The following SPATS2L variants were observed in gnomAD, a reference collection of about 807,000 sequenced individuals.
SPATS2L encodes spermatogenesis associated serine rich 2 like, also known as SPATS2-like protein.
A neutral mutation model predicts 59.6 loss-of-function variants in SPATS2L; 30 were observed. The ratio of observed to expected loss-of-function variants is 0.50; its 90% CI spans 0.38 to 0.68. The LOEUF is 0.68. Among genes scored for constraint, SPATS2L ranks in the 30% least tolerant of loss-of-function variants. The probability of loss-of-function intolerance (pLI) is 0.00; values close to 1 mark genes in which losing one functional copy is unlikely to be tolerated. For synonymous variants in SPATS2L, 252 were observed against 263.5 expected, an observed-to-expected ratio of 0.96 and a Z score of 0.42; for missense variants, 615 against 700.0, an observed-to-expected ratio of 0.88 and a Z score of 1.37.
chr2:200,335,096 C>T (rs2080096685), intron 2 of SPATS2L, among the ~76,000 whole-genome samples: 1 of 152,060 alleles, frequency 6.6e-6, no homozygotes, highest in Non-Finnish European at 1.5e-5. Flanking sequence ...CTATAAATTA[C>T]CTTGGGCAGT....
chr2:200,309,484 A>T (rs888506483), intron 1 of SPATS2L, among the ~76,000 whole-genome samples: 1 of 152,166 alleles, frequency 6.6e-6, no homozygotes, highest in African/African-American at 2.4e-5. Context: ...TAGCACTTTT[A>T]CTGTCATTTG....
rs972305374 is a variant in SPATS2L at position 200,307,041 on chromosome 2, C to A, written c.-73+119C>A. ...TGGGCCGAGCATTCCGCAGCCCGGG[C>A]CGCCCAGCCTCCGCCGCCTCCCGGA... On this transcript the variant is annotated intron_variant, in intron 1 of 12. Coordinates refer to ENST00000409140, the MANE Select transcript of SPATS2L (RefSeq NM_001100423.2). 9.6e-4 allele frequency: 829 copies of A among 862,966 alleles called. 2 individuals are homozygous for A. The highest frequency in any genetic ancestry group is 1.1e-3 in the Non-Finnish European group (792 of 719,062). 53.5% of individuals were successfully genotyped at this position (862,966 alleles called of 1,614,324 possible).
At chr2:200,456,626 TAAAG>T (rs2085852221) in intron 8 of SPATS2L, among the ~76,000 whole-genome samples, 1 of 152,154 alleles carries the variant, frequency 6.6e-6, no homozygotes, top group Non-Finnish European at 1.5e-5. Flanking sequence ...TTGTAGCTGA[TAAAG>T]AAATTAGCAA....
intron 8 of SPATS2L, among the ~76,000 whole-genome samples, chr2:200,442,697 CTTATT>C (rs1456106395): frequency 2.6e-5 from 4 of 152,176 alleles, no homozygotes; most frequent in Non-Finnish European, 5.9e-5. Flanking sequence ...CTGAGTACTT[CTTATT>C]TTATTTTATT....
At chr2:200,426,818 A>G (rs1473054618) in intron 6 of SPATS2L, among the ~76,000 whole-genome samples, 1 of 152,188 alleles carries the variant, frequency 6.6e-6, no homozygotes, top group African/African-American at 2.4e-5. Context: ...TCCCATTTAC[A>G]GTTGTGTTTT....
At chr2:200,431,864 A>G (rs1299220207) in intron 6 of SPATS2L, among the ~76,000 whole-genome samples, 1 of 152,246 alleles carries the variant, frequency 6.6e-6, no homozygotes, top group African/African-American at 2.4e-5. Flanking sequence ...AACCAGCACA[A>G]TTCATTTATT....
At chr2:200,402,848 A>G (rs1431337396) in intron 3 of SPATS2L, among the ~76,000 whole-genome samples, 1 of 152,184 alleles carries the variant, frequency 6.6e-6, no homozygotes, top group African/African-American at 2.4e-5. Flanking sequence ...CAAATCTAAG[A>G]TATAGAGGAT....
chr2:200,403,906 C>T (rs960371571), intron 3 of SPATS2L, among the ~76,000 whole-genome samples: 4 of 151,796 alleles, frequency 2.6e-5, no homozygotes, highest in East Asian at 1.9e-4. Flanking sequence ...AGCCCCAAAG[C>T]GAATTCTAAA....
intron 6 of SPATS2L, among the ~76,000 whole-genome samples, chr2:200,420,538 ACT>A (rs2083266382): frequency 6.6e-6 from 1 of 152,228 alleles, no homozygotes; most frequent in Non-Finnish European, 1.5e-5. Context: ...ACATGGAATC[ACT>A]GTGAATGCAC....
At chr2:200,312,978 G>C (rs940877144) in intron 1 of SPATS2L, among the ~76,000 whole-genome samples, 2 of 152,182 alleles carry the variant, frequency 1.3e-5, no homozygotes, top group East Asian at 3.8e-4. Context: ...AATCTTGGAA[G>C]GTAAGGATTA....
chr2:200,479,700 G>A lies in SPATS2L; in HGVS notation c.*1669G>A. On this transcript the variant is annotated 3_prime_UTR_variant, in exon 13 of 13. Coordinates refer to ENST00000409140, the MANE Select transcript of SPATS2L (RefSeq NM_001100423.2). ...CTGTTGACTACTCACAAGTGCAAATGCTTATTCTCAACTCAACATTAACAT... is the reference window on the plus strand; with the variant it reads ...CTGTTGACTACTCACAAGTGCAAATACTTATTCTCAACTCAACATTAACAT... 1 of 398,656 alleles carries A rather than the reference G, an allele frequency of 2.5e-6. No homozygotes were observed. Among genetic ancestry groups the A allele is most frequent in the Non-Finnish European group, 4.4e-6 (1 of 226,100 alleles). 24.7% of individuals were successfully genotyped at this position (398,656 alleles called of 1,614,324 possible). A position where few individuals can be genotyped will look rare whatever the true frequency, so the allele number is the denominator to read the frequency against.
chr2:200,380,174 G>A (rs991915142), intron 2 of SPATS2L, among the ~76,000 whole-genome samples: 2 of 152,140 alleles, frequency 1.3e-5, no homozygotes, highest in African/African-American at 4.8e-5. Flanking sequence ...CCTCAGATCC[G>A]CTGCATTTAT....
At position 200,348,605 on chromosome 2, in the gene SPATS2L, G is replaced by A. The variant is rs138997653; in HGVS notation, c.-23+19125G>A. ...TGGAGGTGAGGCAGTGAAGTGGAATGATGGAGTGTGAGCTCTACAGTCAGA... is the reference window on the plus strand; with the variant it reads ...TGGAGGTGAGGCAGTGAAGTGGAATAATGGAGTGTGAGCTCTACAGTCAGA... On this transcript the variant is annotated intron_variant, in intron 2 of 12. Transcript: ENST00000409140. Among the ~76,000 whole-genome samples, 22 of 152,296 alleles carry A rather than the reference G, an allele frequency of 1.4e-4. No individual in the cohort carries two copies. In the East Asian group the frequency reaches 4.2e-3, roughly 29 times the overall value.
chr2:200,406,856 T>C (rs2082704784), intron 3 of SPATS2L, among the ~76,000 whole-genome samples: 1 of 152,048 alleles, frequency 6.6e-6, no homozygotes. Flanking sequence ...GAAGAGGGGG[T>C]AAAACCATGT....
chr2:200,341,708 TAGAC>T (rs1269466835), intron 2 of SPATS2L, among the ~76,000 whole-genome samples: 1 of 151,306 alleles, frequency 6.6e-6, no homozygotes, highest in African/African-American at 2.4e-5. Context: ...TTTTTTTTTT[TAGAC>T]AGAGTTTTGC....
At chr2:200,338,113 C>G (rs904980506) in intron 2 of SPATS2L, among the ~76,000 whole-genome samples, 1 of 152,162 alleles carries the variant, frequency 6.6e-6, no homozygotes, top group African/African-American at 2.4e-5. Flanking sequence ...CAGCCTCAGC[C>G]TCCTGGGCTC....
At chr2:200,318,562 T>C (rs1325678618) in intron 1 of SPATS2L, among the ~76,000 whole-genome samples, 1 of 152,226 alleles carries the variant, frequency 6.6e-6, no homozygotes, top group Non-Finnish European at 1.5e-5. Context: ...GTGGATGATA[T>C]CAACTAAGGT....
At chr2:200,407,522 A>G (rs1278877505) in intron 3 of SPATS2L, among the ~76,000 whole-genome samples, 2 of 152,170 alleles carry the variant, frequency 1.3e-5, no homozygotes, top group East Asian at 3.9e-4. Flanking sequence ...TTTTCTTTGT[A>G]TCCTCAGCTC....
intron 2 of SPATS2L, among the ~76,000 whole-genome samples, chr2:200,377,565 T>A (rs181063074): frequency 1.3e-3 from 194 of 152,310 alleles, no homozygotes; most frequent in African/African-American, 4.5e-3. Flanking sequence ...ATAGGACTAA[T>A]GTGTGTGTAG....
Sources: gnomAD v4.1 joint callset for allele counts (sites outside exome capture counted in the v4.1 genomes callset) on GRCh38, gnomAD v4.1.1 for gene constraint, MANE v1.5 for transcripts, NCBI Gene and HGNC (gene_info 2026-07-23, HGNC 2026-07-21) for gene names.